Variants in ME3 observed in about 807,000 individuals in gnomAD.
The protein encoded by ME3 is NADP-dependent malic enzyme, mitochondrial.
A neutral mutation model predicts 68.9 loss-of-function variants in ME3; 48 were observed. The observed-to-expected ratio is 0.70, with a 90% confidence interval of 0.55 to 0.89. ME3 has a LOEUF of 0.89. ME3 is among the 40% of genes least tolerant of loss of function. ME3 has a pLI of 0.00. For missense variants in ME3, 675 were observed against 797.4 expected (o/e 0.85, Z 1.85); for synonymous variants, 320 against 318.8 (o/e 1.00, Z -0.04).
At chr11:86,463,233 AC>A (rs1950317388) in intron 8 of ME3, among the ~76,000 whole-genome samples, 1 of 152,172 alleles carries the variant, frequency 6.6e-6, no homozygotes, top group African/African-American at 2.4e-5. Flanking sequence ...GAGGCTGTGC[AC>A]CAGGTGTGCC....
intron 2 of ME3, among the ~76,000 whole-genome samples, chr11:86,628,957 G>C (rs145292689): frequency 3.9e-5 from 6 of 152,338 alleles, no homozygotes; most frequent in African/African-American, 1.4e-4. Flanking sequence ...CTTGTCATCT[G>C]ATTCTCCCAA....
chr11:86,450,434 C>T (rs1949567069), intron 8 of ME3, 36 bp from the exon 9 acceptor site: 1 of 1,561,904 alleles, frequency 6.4e-7, no homozygotes, highest in Non-Finnish European at 8.8e-7. Context: ...CCTCTGGCCA[C>T]AGGCCGCCAG....
intron 6 of ME3, among the ~76,000 whole-genome samples, chr11:86,495,600 G>A (rs1952276999): frequency 6.6e-6 from 1 of 152,230 alleles, no homozygotes; most frequent in African/African-American, 2.4e-5. Context: ...ATCCACGCCT[G>A]CAAAGAAGCA....
chr11:86,462,790 A>G (rs1950288019), intron 8 of ME3: 1 of 437,264 alleles, frequency 2.3e-6, no homozygotes, highest in African/African-American at 2.0e-5. Flanking sequence ...AAGAGAACTG[A>G]CAGAGGGGAA....
At chr11:86,448,886 T>C (rs1381759111) in intron 10 of ME3, among the ~76,000 whole-genome samples, 1 of 152,172 alleles carries the variant, frequency 6.6e-6, no homozygotes, top group Non-Finnish European at 1.5e-5. Flanking sequence ...AGTGCAAAGA[T>C]GTCAGCTTTG....
At chr11:86,492,905 G>A (rs1952085761) in intron 6 of ME3, among the ~76,000 whole-genome samples, 5 of 152,186 alleles carry the variant, frequency 3.3e-5, no homozygotes, top group Admixed American at 3.3e-4. Flanking sequence ...ATGTTACTTA[G>A]GGAACCTGGG....
At chr11:86,650,799 C>T (rs111895468) in intron 2 of ME3, among the ~76,000 whole-genome samples, 277 of 152,288 alleles carry the variant, frequency 1.8e-3, no homozygotes, top group Middle Eastern at 0.01. Flanking sequence ...GGTGATGCAT[C>T]GCCTCACCCA....
At chr11:86,467,636 C>G (rs1274981342) in intron 7 of ME3, among the ~76,000 whole-genome samples, 1 of 149,620 alleles carries the variant, frequency 6.7e-6, no homozygotes, top group Non-Finnish European at 1.5e-5. Context: ...TTTTCTGTCT[C>G]TCTCTGTGTG....
chr11:86,533,928 G>A (rs1427557920), intron 4 of ME3, among the ~76,000 whole-genome samples: 4 of 152,064 alleles, frequency 2.6e-5, no homozygotes, highest in Admixed American at 6.5e-5. Context: ...CCTAGGCTAC[G>A]TGGCATAGCC....
intron 2 of ME3, among the ~76,000 whole-genome samples, chr11:86,586,727 A>C (rs1594555759): frequency 6.6e-6 from 1 of 152,198 alleles, no homozygotes. Context: ...TTTTAAATAA[A>C]AGGATGGGGG....
At chr11:86,648,931 G>A (rs1381084209) in intron 2 of ME3, among the ~76,000 whole-genome samples, 1 of 152,046 alleles carries the variant, frequency 6.6e-6, no homozygotes, top group Non-Finnish European at 1.5e-5. Context: ...ACTATTCCAA[G>A]CAACAGAAAA....
chr11:86,560,746 G>GTATATATATATA (rs1456434091), intron 2 of ME3, among the ~76,000 whole-genome samples: 1 of 90,256 alleles, frequency 1.1e-5, no homozygotes, highest in African/African-American at 4.8e-5. Flanking sequence ...GTGTGTGTGT[G>GTATATATATATA]TGTATATATA....
intron 4 of ME3, among the ~76,000 whole-genome samples, chr11:86,509,522 G>T (rs148251105): frequency 6.6e-6 from 1 of 152,338 alleles, no homozygotes; most frequent in Admixed American, 6.5e-5. Flanking sequence ...TTTGGGATTT[G>T]CAAGTTTGCA....
chr11:86,584,893 A>T (rs1379003251), intron 2 of ME3, among the ~76,000 whole-genome samples: 2 of 152,244 alleles, frequency 1.3e-5, no homozygotes, highest in Admixed American at 6.5e-5. Flanking sequence ...GCAGATAACA[A>T]TACCATATTA....
chr11:86,614,890 A>G (rs2135222545), intron 2 of ME3, among the ~76,000 whole-genome samples: 1 of 152,306 alleles, frequency 6.6e-6, no homozygotes, highest in Non-Finnish European at 1.5e-5. Context: ...GCTCCATACC[A>G]CTTACCACTT....
downstream of ME3, among the ~76,000 whole-genome samples, chr11:86,440,941 G>A (rs1271223007): frequency 6.6e-6 from 1 of 152,114 alleles, no homozygotes; most frequent in Non-Finnish European, 1.5e-5. Flanking sequence ...ATGGCAAAAT[G>A]AATTGTGTCC....
At chr11:86,547,849 CCATG>C (rs1956457504) in intron 4 of ME3, among the ~76,000 whole-genome samples, 1 of 152,108 alleles carries the variant, frequency 6.6e-6, no homozygotes, top group Admixed American at 6.5e-5. Flanking sequence ...CTTTTGATCA[CCATG>C]GCTGTGATTG....
At chr11:86,581,427 A>C (rs1958438148) in intron 2 of ME3, among the ~76,000 whole-genome samples, 1 of 152,154 alleles carries the variant, frequency 6.6e-6, no homozygotes, top group Non-Finnish European at 1.5e-5. Context: ...GGTATATTTT[A>C]ACCTTTCAAG....
intron 7 of ME3, among the ~76,000 whole-genome samples, chr11:86,466,744 C>A (rs955158443): frequency 1.9e-4 from 29 of 152,182 alleles, no homozygotes; most frequent in Non-Finnish European, 2.9e-5. Flanking sequence ...CTAGTCAAGG[C>A]TGTTGGTAGA....
Sources: allele counts gnomAD v4.1 joint callset (sites outside exome capture counted in the v4.1 genomes callset), GRCh38; gene constraint gnomAD v4.1.1; transcripts MANE v1.5; gene names NCBI Gene and HGNC (gene_info 2026-07-23, HGNC 2026-07-21).